The following DENND1A variants were observed in gnomAD, a reference collection of about 807,000 sequenced individuals.
DENND1A encodes the protein DENN domain containing 1A, also known as DENN domain-containing protein 1A.
DENND1A carries 51 observed loss-of-function variants against 113.7 expected under a neutral mutation model. The ratio of observed to expected loss-of-function variants is 0.45; its 90% CI spans 0.36 to 0.57. DENND1A has a LOEUF of 0.57. Among genes scored for constraint, DENND1A ranks in the 20% least tolerant of loss-of-function variants. DENND1A has a pLI of 0.00. For synonymous variants in DENND1A, 565 were observed against 570.8 expected, an observed-to-expected ratio of 0.99 and a Z score of 0.14; for missense variants, 1,258 against 1,395.9, an observed-to-expected ratio of 0.90 and a Z score of 1.57.
intron 11 of DENND1A, among the ~76,000 whole-genome samples, chr9:123,602,562 T>C (rs112467124): frequency 3.3e-5 from 5 of 152,368 alleles, no homozygotes; most frequent in African/African-American, 1.2e-4. Flanking sequence ...AGCACAGTGG[T>C]TGGCAAGTAC....
chr9:123,735,431 C>A (rs1004395866), intron 5 of DENND1A, among the ~76,000 whole-genome samples: 1 of 152,130 alleles, frequency 6.6e-6, no homozygotes, highest in Non-Finnish European at 1.5e-5. Context: ...CAAATGCAAA[C>A]CCCTCTGACT....
At chr9:123,874,290 A>G (rs1233878232) in intron 2 of DENND1A, among the ~76,000 whole-genome samples, 1 of 152,120 alleles carries the variant, frequency 6.6e-6, no homozygotes, top group East Asian at 1.9e-4. Flanking sequence ...TATTAAAACC[A>G]AGAAGTTTTG....
chr9:123,444,610 C>T (rs569868122), intron 18 of DENND1A, among the ~76,000 whole-genome samples: 12 of 152,118 alleles, frequency 7.9e-5, no homozygotes, highest in African/African-American at 2.7e-4. Context: ...GCCGAGACTG[C>T]GCCAGGCAAC....
chr9:123,889,749 G>C (rs1849629830), intron 1 of DENND1A, among the ~76,000 whole-genome samples: 1 of 152,148 alleles, frequency 6.6e-6, no homozygotes, highest in African/African-American at 2.4e-5. Flanking sequence ...GAGGCAGGTA[G>C]ATCACCTGAG....
At chr9:123,662,288 G>C (rs1490435742) in intron 8 of DENND1A, among the ~76,000 whole-genome samples, 1 of 152,180 alleles carries the variant, frequency 6.6e-6, no homozygotes, top group Non-Finnish European at 1.5e-5. Flanking sequence ...AGAATAAAGA[G>C]GCTGGACTCA....
At chr9:123,555,401 T>C (rs1436250189) in intron 13 of DENND1A, among the ~76,000 whole-genome samples, 1 of 152,238 alleles carries the variant, frequency 6.6e-6, no homozygotes. Context: ...TATCCTCTCC[T>C]GCAGCCCCAT....
chr9:123,680,056 C>T (rs2064342338), intron 5 of DENND1A, among the ~76,000 whole-genome samples: 1 of 152,162 alleles, frequency 6.6e-6, no homozygotes, highest in Admixed American at 6.5e-5. Flanking sequence ...AACAGAGTAA[C>T]AGTTTGGGTG....
chr9:123,444,183 T>C (rs554354406), intron 18 of DENND1A, among the ~76,000 whole-genome samples: 1 of 152,226 alleles, frequency 6.6e-6, no homozygotes, highest in Non-Finnish European at 1.5e-5. Context: ...CTAAAAGATG[T>C]ATATGCCCTT....
At chr9:123,604,437 A>G (rs1015822513) in intron 11 of DENND1A, among the ~76,000 whole-genome samples, 2 of 152,192 alleles carry the variant, frequency 1.3e-5, no homozygotes, top group Admixed American at 6.5e-5. Flanking sequence ...ATTATATCAC[A>G]TTTGCCATTT....
At chr9:123,723,247 T>G in intron 5 of DENND1A, among the ~76,000 whole-genome samples, 1 of 152,238 alleles carries the variant, frequency 6.6e-6, no homozygotes, top group East Asian at 1.9e-4. Context: ...TTACCCAATT[T>G]CTGTACCCCC....
At chr9:123,585,081 A>G (rs2026746) in intron 11 of DENND1A, among the ~76,000 whole-genome samples, 9 of 51,600 alleles carry the variant, frequency 1.7e-4, no homozygotes, top group African/African-American at 8.6e-4. Flanking sequence ...CACAAGCCTC[A>G]CTAGGATTGA....
At chr9:123,885,592 C>T (rs1208883245) in intron 1 of DENND1A, among the ~76,000 whole-genome samples, 6 of 152,220 alleles carry the variant, frequency 3.9e-5, no homozygotes, top group Admixed American at 1.3e-4. Context: ...ACAGCCTCAG[C>T]TCTTAAACAC....
intron 5 of DENND1A, among the ~76,000 whole-genome samples, chr9:123,682,217 A>G (rs1210423023): frequency 2.0e-5 from 3 of 152,342 alleles, no homozygotes; most frequent in Admixed American, 6.5e-5. Context: ...CCTATAAAAG[A>G]GAAATAAAAA....
At position 123,699,630 on chromosome 9, in the gene DENND1A, C is replaced by T. The variant is rs558905925; in HGVS notation, c.303-22841G>A. On this transcript the variant is annotated intron_variant, in intron 5 of 23. Coordinates refer to ENST00000394215, the MANE Select transcript of DENND1A (RefSeq NM_001352964.2). ...AAACTCAGTTCCTTTTTTTTCCCTG[C>T]GGATACCCAACTGCTCCATCGACAT... 1.3e-4 allele frequency among the ~76,000 whole-genome samples: 19 copies of T among 150,874 alleles called. No individual in the cohort carries two copies. The South Asian group carries it at 1.5e-3, about 12-fold the overall frequency.
intron 10 of DENND1A, among the ~76,000 whole-genome samples, chr9:123,617,964 AAGG>A (rs1320092688): frequency 1.3e-5 from 2 of 152,144 alleles, no homozygotes; most frequent in African/African-American, 4.8e-5. Flanking sequence ...CTGATAATAA[AAGG>A]AGATTTTCTC....
At chr9:123,658,496 A>T (rs2063077900) in intron 8 of DENND1A, among the ~76,000 whole-genome samples, 1 of 152,242 alleles carries the variant, frequency 6.6e-6, no homozygotes, top group Admixed American at 6.5e-5. Flanking sequence ...GAGCAATTAC[A>T]GAGTGATAGT....
intron 5 of DENND1A, among the ~76,000 whole-genome samples, chr9:123,703,488 T>C (rs1264103863): frequency 2.6e-5 from 4 of 152,142 alleles, no homozygotes; most frequent in Middle Eastern, 3.4e-3. Flanking sequence ...CAAAAAACTA[T>C]AATAGATACA....
chr9:123,906,107 A>G (rs1242864440), intron 1 of DENND1A, among the ~76,000 whole-genome samples: 1 of 152,236 alleles, frequency 6.6e-6, no homozygotes, highest in Non-Finnish European at 1.5e-5. Context: ...CTGAATGACT[A>G]CTGGATACAT....
intron 2 of DENND1A, among the ~76,000 whole-genome samples, chr9:123,796,044 TAAA>T (rs1392063892): frequency 2.6e-5 from 4 of 152,150 alleles, no homozygotes; most frequent in Non-Finnish European, 5.9e-5. Context: ...CTCACAAACT[TAAA>T]AATCAATGTC....
Sources: allele counts gnomAD v4.1 joint callset (sites outside exome capture counted in the v4.1 genomes callset), GRCh38; gene constraint gnomAD v4.1.1; transcripts MANE v1.5; gene names NCBI Gene and HGNC (gene_info 2026-07-23, HGNC 2026-07-21).